Variants in FAM228A observed in about 807,000 individuals in gnomAD.
The protein encoded by FAM228A is protein FAM228A.
Under a neutral mutation model 18.6 loss-of-function variants are expected in FAM228A, and 13 were observed. The ratio of observed to expected loss-of-function variants is 0.70; its 90% CI spans 0.45 to 1.11. The LOEUF (loss-of-function observed/expected upper bound fraction) is 1.11. Ranked by LOEUF, FAM228A falls within the 50% of genes least tolerant of loss-of-function variation. FAM228A has a pLI of 0.00. For synonymous variants in FAM228A, 77 were observed against 86.6 expected, an observed-to-expected ratio of 0.89 and a Z score of 0.61; for missense variants, 240 against 242.2, an observed-to-expected ratio of 0.99 and a Z score of 0.06.
chr2:24,175,432 C>T, intron 1 of FAM228A, 35 bp from the exon 2 acceptor site: 1 of 1,477,646 alleles, frequency 6.8e-7, no homozygotes, highest in Non-Finnish European at 9.5e-7. Flanking sequence ...CGGTAACCGT[C>T]TTCCTCAGCC....
chr2:24,187,638 A>G (rs561331476), intron 5 of FAM228A, among the ~76,000 whole-genome samples: 3 of 151,914 alleles, frequency 2.0e-5, no homozygotes, highest in Non-Finnish European at 4.4e-5. Flanking sequence ...AGCTGTATCC[A>G]TTGTTTTGCC....
intron 2 of FAM228A, chr2:24,176,119 CAAA>C (rs1667684966): frequency 2.0e-6 from 2 of 985,048 alleles, no homozygotes; most frequent in Admixed American, 1.2e-4. Flanking sequence ...CCATCAAAGA[CAAA>C]AACTGTTTAA....
At chr2:24,178,830 A>G (rs1047085091) in intron 3 of FAM228A, among the ~76,000 whole-genome samples, 1 of 152,238 alleles carries the variant, frequency 6.6e-6, no homozygotes, top group African/African-American at 2.4e-5. Flanking sequence ...CAAGAGTTTC[A>G]TGAGTTAGGA....
In FAM228A at chr2:24,191,398, C is replaced by T. The variant is rs1223880858; in HGVS notation, c.*767C>T. ...GCTCCTGCTCAGTCCCATCGCTGTC[C>T]CCGGTCTCTCCAGGGAGTAAGGGAT... is the stretch of plus-strand genomic sequence containing the variant. On this transcript the variant is annotated 3_prime_UTR_variant, in exon 6 of 6. Transcript: ENST00000295150. 7 of 985,492 alleles carry T rather than the reference C, an allele frequency of 7.1e-6. No individual in the cohort carries two copies. Among genetic ancestry groups the T allele is most frequent in the Non-Finnish European group, 8.4e-6 (7 of 829,958 alleles). 61.0% of individuals were successfully genotyped at this position (985,492 alleles called of 1,614,324 possible).
At chr2:24,175,309 T>C in intron 1 of FAM228A, 135 bp downstream of exon 1, 2 of 629,116 alleles carry the variant, frequency 3.2e-6, no homozygotes, top group South Asian at 1.8e-5. Context: ...GCCGGGCCTG[T>C]TGAAGCGCCT....
intron 5 of FAM228A, among the ~76,000 whole-genome samples, chr2:24,185,232 A>G (rs1363310623): frequency 6.6e-6 from 1 of 151,962 alleles, no homozygotes; most frequent in Admixed American, 6.6e-5. Context: ...AATGATACCC[A>G]TTTTCCTCAG....
At chr2:24,175,763 TGGGGGCTGGCGCACCGAC>T (rs1667669594) in intron 2 of FAM228A, 190 bp downstream of exon 2, 1 of 761,424 alleles carries the variant, frequency 1.3e-6, no homozygotes, top group Non-Finnish European at 2.0e-6. Context: ...GTCGCCAGCC[TGGGGGCTGGCGCACCGAC>T]GGGGGCGGGC....
intron 3 of FAM228A, among the ~76,000 whole-genome samples, 184 bp from the exon 4 acceptor site, chr2:24,183,101 T>C (rs572442789): frequency 6.6e-6 from 1 of 152,230 alleles, no homozygotes; most frequent in Non-Finnish European, 1.5e-5. Context: ...TGGGGTGCAA[T>C]TGAATCTGTC....
Position 24,191,275 on chromosome 2 carries a change from C to G in FAM228A, c.*644C>G, listed in dbSNP as rs958259242. 4.0e-5 allele frequency: 39 copies of G among 985,552 alleles called. No individual in the cohort carries two copies. The highest frequency in any genetic ancestry group is 4.5e-5 in the Non-Finnish European group (37 of 830,136). The allele number at this position is 985,552 out of a possible 1,614,324, so 61.1% of individuals were successfully genotyped here. A position where few individuals can be genotyped will look rare whatever the true frequency, so the allele number is the denominator to read the frequency against. On this transcript the variant is annotated 3_prime_UTR_variant, in exon 6 of 6. Transcript: ENST00000295150. ...TGGTGGGCCACCGCTCAGCTCAGGA[C>G]CTGACAGCGTCACTCCCACCCTCAC...
intron 5 of FAM228A, among the ~76,000 whole-genome samples, 156 bp from the exon 6 acceptor site, chr2:24,190,256 G>A (rs567237294): frequency 6.6e-6 from 1 of 152,142 alleles, no homozygotes; most frequent in Non-Finnish European, 1.5e-5. Context: ...GTACGGACAG[G>A]GCAGGCAGAT....
intron 2 of FAM228A, among the ~76,000 whole-genome samples, chr2:24,176,935 A>G (rs1184543163): frequency 6.6e-6 from 1 of 152,218 alleles, no homozygotes; most frequent in Non-Finnish European, 1.5e-5. Flanking sequence ...CAACTGAAAA[A>G]GCCCTAAAGT....
chr2:24,183,571 C>G lies in FAM228A; in HGVS notation c.327C>G (p.Phe109Leu). 1 of 1,614,084 alleles carries G rather than the reference C, an allele frequency of 6.2e-7. No individual in the cohort carries two copies. Among genetic ancestry groups the G allele is most frequent in the Non-Finnish European group, 8.5e-7 (1 of 1,179,950 alleles). The part of the protein sequence containing the change: ...RLHASSPYFT[F>L]TSHCVIPKEW... ...ATGCCAGCTCGCCCTACTTCACTTT[C>G]ACTTCACACTGTGTGATTCCAAAAG... Residue 109 changes from phenylalanine to leucine, a missense_variant, in exon 5 of 6, where the codon TTC (phenylalanine) becomes TTG (leucine). By Grantham distance (22) the Phe-to-Leu change is conservative. Transcript: ENST00000295150.
chr2:24,183,381 T>A lies in FAM228A; in HGVS notation c.250+9T>A. The stretch of plus-strand genomic sequence containing the variant: ...TCTTCAGTGTGAGACAGGTGCTTTG[T>A]GATCACTGGGCCTCATTTTTTTGAG... On this transcript the variant is annotated intron_variant, in intron 4 of 5. Coordinates refer to ENST00000295150, the MANE Select transcript of FAM228A (RefSeq NM_001040710.3). 1.2e-6 allele frequency: 2 copies of A among 1,612,878 alleles called. No individual in the cohort carries two copies. Among genetic ancestry groups the A allele is most frequent in the Non-Finnish European group, 1.7e-6 (2 of 1,178,836 alleles).
At chr2:24,180,877 C>T (rs1346864939) in intron 3 of FAM228A, among the ~76,000 whole-genome samples, 1 of 152,110 alleles carries the variant, frequency 6.6e-6, no homozygotes, top group Non-Finnish European at 1.5e-5. Flanking sequence ...CTTGACACCA[C>T]TTTATAGGAA....
intron 3 of FAM228A, among the ~76,000 whole-genome samples, chr2:24,180,424 C>G (rs1667790158): frequency 6.6e-6 from 1 of 152,026 alleles, no homozygotes; most frequent in African/African-American, 2.4e-5. Flanking sequence ...TGCAGTCCAT[C>G]CTGAGTGACA....
chr2:24,184,669 G>GTTAT (rs1200354203), intron 5 of FAM228A, among the ~76,000 whole-genome samples: 16 of 151,966 alleles, frequency 1.1e-4, no homozygotes, highest in Admixed American at 2.0e-4. Flanking sequence ...ATCCACATTT[G>GTTAT]TTATTTATTT....
intron 3 of FAM228A, among the ~76,000 whole-genome samples, chr2:24,182,442 A>G (rs748786407): frequency 1.3e-5 from 2 of 152,176 alleles, no homozygotes; most frequent in Non-Finnish European, 2.9e-5. Context: ...CTAGCACTTC[A>G]GTCCAGCACT....
intron 2 of FAM228A, among the ~76,000 whole-genome samples, chr2:24,177,354 C>T (rs1383907752): frequency 6.6e-6 from 1 of 152,118 alleles, no homozygotes; most frequent in Non-Finnish European, 1.5e-5. Flanking sequence ...GCAGGAGAAT[C>T]ACTTGAACCT....
chr2:24,176,869 A>T (rs773296169), intron 2 of FAM228A, among the ~76,000 whole-genome samples: 1 of 152,190 alleles, frequency 6.6e-6, no homozygotes, highest in Non-Finnish European at 1.5e-5. Flanking sequence ...TTGCCTTTTC[A>T]TTTGTTCACA....
Sources: gnomAD v4.1 joint callset for allele counts (sites outside exome capture counted in the v4.1 genomes callset) on GRCh38, gnomAD v4.1.1 for gene constraint, MANE v1.5 for transcripts, NCBI Gene and HGNC (gene_info 2026-07-23, HGNC 2026-07-21) for gene names.